Variants in ACACA observed in about 807,000 individuals in gnomAD.
The protein encoded by ACACA is acetyl-CoA carboxylase alpha.
A neutral mutation model predicts 296.1 loss-of-function variants in ACACA; 103 were observed. The ratio of observed to expected loss-of-function variants is 0.35; its 90% CI spans 0.30 to 0.41. The LOEUF is 0.41. ACACA is among the 10% of genes least tolerant of loss of function. ACACA has a pLI of 1.00. For missense variants in ACACA, 1,554 were observed against 2,989.7 expected (o/e 0.52, Z 11.20); for synonymous variants, 953 against 1,038.6 (o/e 0.92, Z 1.58).
chr17:37,152,017 G>A (rs542340130), intron 43 of ACACA, among the ~76,000 whole-genome samples: 7 of 151,278 alleles, frequency 4.6e-5, no homozygotes, highest in East Asian at 2.0e-4. Flanking sequence ...GGATGGTCTC[G>A]ATCTCTTGAC....
rs115241086 is a variant in ACACA at position 37,188,526 on chromosome 17, C to T, written c.4573-46G>A. On this transcript the variant is annotated intron_variant, in intron 38 of 55. Coordinates refer to ENST00000616317, the MANE Select transcript of ACACA (RefSeq NM_198834.3). Reference sequence around the variant, plus strand: ...AGCACAAAACTTAAATATCTTCTAACTAAGACCTGTTTCAGGTCTGCTCAT... The same window carrying T: ...AGCACAAAACTTAAATATCTTCTAATTAAGACCTGTTTCAGGTCTGCTCAT... The T allele has an allele frequency of 2.4e-3, 3,852 of 1,597,824 alleles. 70 individuals are homozygous for T. The African/African-American group carries it at 0.04, about 17-fold the overall frequency.
intron 24 of ACACA, among the ~76,000 whole-genome samples, chr17:37,238,876 G>C (rs189243063): frequency 6.6e-5 from 10 of 152,250 alleles, no homozygotes; most frequent in Non-Finnish European, 4.4e-5. Context: ...TGCCTGGGCT[G>C]AGTGCAGTGG....
At chr17:37,299,292 T>C in intron 3 of ACACA, 1 of 1,613,970 alleles carries the variant, frequency 6.2e-7, no homozygotes, top group South Asian at 1.1e-5. Context: ...TTGAAGCATG[T>C]AATATCTCAT....
At chr17:37,142,002 GTTTTT>G (rs11380975) in intron 45 of ACACA, among the ~76,000 whole-genome samples, 19 of 139,824 alleles carry the variant, frequency 1.4e-4, no homozygotes, top group African/African-American at 5.4e-4. Flanking sequence ...AGTTTTTTTT[GTTTTT>G]TTTTGTTTTT....
At chr17:37,114,069 C>T (rs1011799685) in intron 50 of ACACA, among the ~76,000 whole-genome samples, 2 of 152,112 alleles carry the variant, frequency 1.3e-5, no homozygotes, top group African/African-American at 4.8e-5. Context: ...TGCCTGCAGT[C>T]CCAGTCACTT....
At chr17:37,390,303 A>ATTTTATATATATATATTATAT (rs1167945419) in intron 1 of ACACA, among the ~76,000 whole-genome samples, 4 of 19,948 alleles carry the variant, frequency 2.0e-4, no homozygotes, top group Admixed American at 2.2e-3. Flanking sequence ...ATTATACATA[A>ATTTTATATATATATATTATAT]TTATATATAT....
intron 43 of ACACA, among the ~76,000 whole-genome samples, chr17:37,153,807 T>G (rs935021922): frequency 1.3e-5 from 2 of 152,052 alleles, no homozygotes; most frequent in African/African-American, 4.8e-5. Flanking sequence ...CCAAGAAAGT[T>G]TGGGAACCTC....
intron 1 of ACACA, among the ~76,000 whole-genome samples, chr17:37,347,793 A>G (rs1435657085): frequency 6.6e-6 from 1 of 151,894 alleles, no homozygotes; most frequent in African/African-American, 2.4e-5. Flanking sequence ...AACAAGAAAG[A>G]ATTTTTAAAA....
intron 35 of ACACA, among the ~76,000 whole-genome samples, chr17:37,194,248 A>G (rs1354726410): frequency 1.3e-5 from 2 of 152,186 alleles, no homozygotes; most frequent in Non-Finnish European, 2.9e-5. Context: ...TTATGAGTGC[A>G]ATATAATCAA....
At chr17:37,362,599 A>C (rs1167105981) in intron 1 of ACACA, among the ~76,000 whole-genome samples, 1 of 152,204 alleles carries the variant, frequency 6.6e-6, no homozygotes, top group Non-Finnish European at 1.5e-5. Flanking sequence ...AGACAGCTTC[A>C]TTTGGCATTT....
At position 37,151,284 on chromosome 17, in the gene ACACA, A is replaced by G. The variant is rs1375744502; in HGVS notation, c.5568+17T>C. ...ACAGCCAGTTCTTCAAAAATTTCACATTCTGGAAAGATTTACCAGGCTGAT... is the reference window on the plus strand; with the variant it reads ...ACAGCCAGTTCTTCAAAAATTTCACGTTCTGGAAAGATTTACCAGGCTGAT... On this transcript the variant is annotated intron_variant, in intron 44 of 55. Transcript: ENST00000616317. 1.2e-6 allele frequency: 2 copies of G among 1,613,840 alleles called. No homozygotes were observed. The highest frequency in any genetic ancestry group is 1.7e-6 in the Non-Finnish European group (2 of 1,179,970).
intron 3 of ACACA, among the ~76,000 whole-genome samples, chr17:37,298,980 C>A (rs1598431548): frequency 6.6e-6 from 1 of 152,180 alleles, no homozygotes; most frequent in South Asian, 2.1e-4. Context: ...TCTGATACAT[C>A]TGAGGTTCCC....
intron 3 of ACACA, among the ~76,000 whole-genome samples, chr17:37,300,042 A>C (rs967163598): frequency 1.3e-5 from 2 of 152,246 alleles, no homozygotes; most frequent in Non-Finnish European, 2.9e-5. Context: ...TTTTCAGGCC[A>C]AAGTAGTGGT....
chr17:37,210,796 C>T (rs1281023050), intron 29 of ACACA, among the ~76,000 whole-genome samples: 2 of 118,098 alleles, frequency 1.7e-5, no homozygotes, highest in African/African-American at 3.2e-5. Context: ...AGTGGTAAAA[C>T]ACAGGCTGAT....
intron 2 of ACACA, among the ~76,000 whole-genome samples, chr17:37,336,585 T>C (rs1461020320): frequency 6.6e-6 from 1 of 152,164 alleles, no homozygotes; most frequent in African/African-American, 2.4e-5. Context: ...GATCGGGATA[T>C]AAACCCAGGC....
chr17:37,162,144 G>A (rs1215270923), intron 41 of ACACA, 94 bp from the exon 42 acceptor site: 1 of 1,360,870 alleles, frequency 7.3e-7, no homozygotes. Flanking sequence ...CCTAGGCACA[G>A]CCATTATGTA....
In ACACA at chr17:37,406,402, G is replaced by T; in HGVS notation, c.-103C>A. The T allele has an allele frequency of 7.9e-7, 1 of 1,270,006 alleles. No individual in the cohort carries two copies. Among genetic ancestry groups the T allele is most frequent in the Non-Finnish European group, 1.1e-6 (1 of 869,892 alleles). 78.7% of individuals were successfully genotyped at this position (1,270,006 alleles called of 1,614,324 possible). ...CGTTCCAGGAGCATCTGATTGAAAC[G>T]CACCCTCTTCACCCCTTAAAATCAG... On this transcript the variant is annotated 5_prime_UTR_variant, in exon 1 of 56. Coordinates refer to ENST00000616317, the MANE Select transcript of ACACA (RefSeq NM_198834.3).
chr17:37,357,849 C>G (rs977379686), intron 1 of ACACA, among the ~76,000 whole-genome samples: 2 of 152,124 alleles, frequency 1.3e-5, no homozygotes, highest in South Asian at 4.1e-4. Context: ...CAAGAAGGGA[C>G]AAATATGAGT....
intron 7 of ACACA, 76 bp from the exon 8 acceptor site, chr17:37,276,125 T>C (rs1377014968): frequency 9.6e-7 from 1 of 1,041,556 alleles, no homozygotes; most frequent in Non-Finnish European, 1.5e-6. Context: ...TGCCTTGTAT[T>C]ATAGCTATTT....
Sources: gnomAD v4.1 joint callset for allele counts (sites outside exome capture counted in the v4.1 genomes callset) on GRCh38, gnomAD v4.1.1 for gene constraint, MANE v1.5 for transcripts, NCBI Gene and HGNC (gene_info 2026-07-23, HGNC 2026-07-21) for gene names.